The following CASP6 variants were observed in gnomAD, a reference collection of about 807,000 sequenced individuals.
CASP6 encodes the protein caspase 6.
Under a neutral mutation model 31.8 loss-of-function variants are expected in CASP6, and 20 were observed. The ratio of observed to expected loss-of-function variants is 0.63; its 90% CI spans 0.44 to 0.91. The LOEUF (loss-of-function observed/expected upper bound fraction) is 0.91. CASP6 is among the 40% of genes least tolerant of loss of function. The pLI, the probability that CASP6 is intolerant of heterozygous loss-of-function variation, is 0.00. For missense variants in CASP6, 328 were observed against 361.1 expected (o/e 0.91, Z 0.74); for synonymous variants, 130 against 127.8 (o/e 1.02, Z -0.12).
chr4:109,682,487 G>C, the CASP6 span: 3 of 992,272 alleles, frequency 3.0e-6, no homozygotes, highest in Non-Finnish European at 4.6e-6. Context: ...TGGATCCTAA[G>C]ATAATATTTG....
chr4:109,693,336 A>AT (rs1402448699), intron 5 of CASP6, among the ~76,000 whole-genome samples: 1 of 152,182 alleles, frequency 6.6e-6, no homozygotes, highest in African/African-American at 2.4e-5. Context: ...CATGTCCTCC[A>AT]TGCTATTCAT....
the CASP6 span, among the ~76,000 whole-genome samples, chr4:109,667,697 TTTTCA>T: frequency 1.3e-5 from 2 of 150,742 alleles, no homozygotes; most frequent in African/African-American, 4.9e-5. Context: ...TTCTGCTTGC[TTTTCA>T]TTTCATTTGC....
rs557291845 is a variant in CASP6, at chr4:109,689,044, C to T, written c.*286G>A. The T allele has an allele frequency of 1.5e-4, 39 of 259,298 alleles. No homozygotes were observed. Among genetic ancestry groups the T allele is most frequent in the Admixed American group, 7.1e-4 (15 of 21,022 alleles). 16.1% of individuals were successfully genotyped at this position (259,298 alleles called of 1,614,324 possible). A position where few individuals can be genotyped will look rare whatever the true frequency, so the allele number is the denominator to read the frequency against. Reference sequence around the variant, plus strand: ...AGGCTGGAGTGCAATGGCGCAATCTCGGCTCACCGCAGCCTCCACCTCCTG... The same window carrying T: ...AGGCTGGAGTGCAATGGCGCAATCTTGGCTCACCGCAGCCTCCACCTCCTG... On this transcript the variant is annotated 3_prime_UTR_variant, in exon 7 of 7. Coordinates refer to ENST00000265164, the MANE Select transcript of CASP6 (RefSeq NM_001226.4).
upstream of CASP6, among the ~76,000 whole-genome samples, chr4:109,707,116 CAT>C (rs575366684): frequency 6.6e-6 from 1 of 152,074 alleles, no homozygotes; most frequent in Non-Finnish European, 1.5e-5. Flanking sequence ...TTTTTTTAGA[CAT>C]GTTATTGCAC....
At chr4:109,666,990 A>T in the CASP6 span, among the ~76,000 whole-genome samples, 29 of 152,036 alleles carry the variant, frequency 1.9e-4, no homozygotes, top group Admixed American at 1.9e-3. Context: ...TTTATTTGCT[A>T]TTATTTTGCT....
chr4:109,669,413 GT>G, the CASP6 span, among the ~76,000 whole-genome samples: 1 of 151,840 alleles, frequency 6.6e-6, no homozygotes, highest in Non-Finnish European at 1.5e-5. Flanking sequence ...ATAGCTAAGG[GT>G]TCCCCCCTTC....
At chr4:109,702,527 G>C (rs1003261393) in intron 1 of CASP6, among the ~76,000 whole-genome samples, 1 of 151,564 alleles carries the variant, frequency 6.6e-6, no homozygotes, top group Non-Finnish European at 1.5e-5. Context: ...GTGTTAGTTA[G>C]GCTGGTCGAG....
chr4:109,698,474 A>T lies in CASP6; in HGVS notation c.41-132T>A, dbSNP rs1387416937. 3 of 648,766 alleles carry T rather than the reference A, an allele frequency of 4.6e-6. No homozygotes were observed. The African/African-American group carries it at 5.6e-5, about 12-fold the overall frequency. The allele number at this position is 648,766 out of a possible 1,614,324, so 40.2% of individuals were successfully genotyped here. A position where few individuals can be genotyped will look rare whatever the true frequency, so the allele number is the denominator to read the frequency against. On this transcript the variant is annotated intron_variant, in intron 1 of 6. Coordinates refer to ENST00000265164, the MANE Select transcript of CASP6 (RefSeq NM_001226.4). ...TTTTGGTTAGTTTAAAAGCCAAAGT[A>T]TGTGAAGAAAAGGAAATGAAGGGAA... is the stretch of plus-strand genomic sequence containing the variant.
At chr4:109,693,185 G>C (rs1228464517) in intron 5 of CASP6, among the ~76,000 whole-genome samples, 1 of 152,116 alleles carries the variant, frequency 6.6e-6, no homozygotes, top group East Asian at 1.9e-4. Flanking sequence ...AGCTTCCTAA[G>C]GCCTCACCAG....
In CASP6 at chr4:109,697,747, T is replaced by A; in HGVS notation, c.105A>T (p.Glu35Asp). ...FYKREMFDPA[E>D]KYKMDHRRRG... Reference sequence around the variant, plus strand: ...TCCTCCTGTGGTCCATTTTGTACTTTTCTGCCGGATCAAACATTTCTCTGT... The same window carrying A: ...TCCTCCTGTGGTCCATTTTGTACTTATCTGCCGGATCAAACATTTCTCTGT... The change falls in exon 3 of 7, where the codon GAA (glutamate) becomes GAT (aspartate). Residue 35 changes from glutamate to aspartate, a missense_variant. Transcript: ENST00000265164. 1 of 1,613,372 alleles carries A rather than the reference T, an allele frequency of 6.2e-7. No individual in the cohort carries two copies. Among genetic ancestry groups the A allele is most frequent in the Middle Eastern group, 1.7e-4 (1 of 6,058 alleles).
downstream of CASP6, chr4:109,688,205 CA>C (rs1208574127): frequency 6.6e-6 from 1 of 152,198 alleles, no homozygotes; most frequent in Non-Finnish European, 1.5e-5. Context: ...GAAGCCAAAA[CA>C]GTTAACTTTC....
At chr4:109,703,955 T>C (rs1173220580), upstream of CASP6, among the ~76,000 whole-genome samples, 1 of 152,232 alleles carries the variant, frequency 6.6e-6, no homozygotes, top group Non-Finnish European at 1.5e-5. Context: ...ATTGTTATTA[T>C]GTCTGCTGTT....
the CASP6 span, among the ~76,000 whole-genome samples, chr4:109,667,707 A>T: frequency 2.0e-5 from 3 of 148,982 alleles, no homozygotes; most frequent in East Asian, 4.0e-4. Context: ...TTTTCATTTC[A>T]TTTGCTCCTC....
chr4:109,667,941 T>C, the CASP6 span, among the ~76,000 whole-genome samples: 1 of 152,026 alleles, frequency 6.6e-6, no homozygotes, highest in Non-Finnish European at 1.5e-5. Flanking sequence ...CTAAGTATTT[T>C]GGGATTTTCC....
At chr4:109,681,536 C>T in the CASP6 span, 2 of 430,248 alleles carry the variant, frequency 4.6e-6, no homozygotes, top group South Asian at 3.4e-5. Flanking sequence ...GGGTTCTTGG[C>T]CTCACGGATT....
chr4:109,669,394 T>C, the CASP6 span, among the ~76,000 whole-genome samples: 2 of 152,150 alleles, frequency 1.3e-5, no homozygotes, highest in African/African-American at 4.8e-5. Context: ...TTCTTTTTTT[T>C]TCTCTGCTAT....
At chr4:109,681,181 A>T in the CASP6 span, among the ~76,000 whole-genome samples, 1 of 152,220 alleles carries the variant, frequency 6.6e-6, no homozygotes, top group African/African-American at 2.4e-5. Context: ...GGAATGAGTA[A>T]TTCTCAAAGA....
At chr4:109,704,048 A>ACT (rs1730525002), upstream of CASP6, among the ~76,000 whole-genome samples, 1 of 152,132 alleles carries the variant, frequency 6.6e-6, no homozygotes, top group South Asian at 2.1e-4. Flanking sequence ...AGGGGAAATT[A>ACT]ATCCATAAGC....
chr4:109,699,395 C>T (rs1730349898), intron 1 of CASP6, among the ~76,000 whole-genome samples: 1 of 152,106 alleles, frequency 6.6e-6, no homozygotes, highest in Admixed American at 6.6e-5. Context: ...TTGATCTAAC[C>T]TCACTTCTCC....
Sources: gnomAD v4.1 joint callset for allele counts (sites outside exome capture counted in the v4.1 genomes callset) on GRCh38, gnomAD v4.1.1 for gene constraint, MANE v1.5 for transcripts, NCBI Gene and HGNC (gene_info 2026-07-23, HGNC 2026-07-21) for gene names.